Variants in EPB41L4B observed in about 807,000 individuals in gnomAD.
The protein encoded by EPB41L4B is band 4.1-like protein 4B.
Under a neutral mutation model 112.5 loss-of-function variants are expected in EPB41L4B, and 30 were observed. The ratio of observed to expected loss-of-function variants is 0.27; its 90% CI spans 0.20 to 0.36. The LOEUF is 0.36. EPB41L4B is among the 10% of genes least tolerant of loss of function. EPB41L4B has a pLI of 1.00. For synonymous variants in EPB41L4B, 408 were observed against 439.7 expected, an observed-to-expected ratio of 0.93 and a Z score of 0.90; for missense variants, 1,024 against 1,133.3, an observed-to-expected ratio of 0.90 and a Z score of 1.38.
chr9:109,227,595 T>C (rs1375214689), intron 15 of EPB41L4B, among the ~76,000 whole-genome samples: 14 of 152,124 alleles, frequency 9.2e-5, no homozygotes, highest in Admixed American at 8.5e-4. Flanking sequence ...CCCCCCTTTT[T>C]TTTTTGAGAC....
At chr9:109,287,609 A>G (rs1836341671) in intron 1 of EPB41L4B, among the ~76,000 whole-genome samples, 2 of 152,122 alleles carry the variant, frequency 1.3e-5, no homozygotes, top group African/African-American at 4.8e-5. Context: ...GCTCCCCTTT[A>G]TCTACCTGCC....
intron 20 of EPB41L4B, among the ~76,000 whole-genome samples, chr9:109,199,102 T>A (rs753820302): frequency 1.3e-5 from 2 of 152,184 alleles, no homozygotes; most frequent in African/African-American, 2.4e-5. Context: ...GTCACTTTAC[T>A]ATTCCCTAAC....
intron 1 of EPB41L4B, among the ~76,000 whole-genome samples, chr9:109,303,108 G>GA (rs1837039975): frequency 6.8e-6 from 1 of 146,250 alleles, no homozygotes; most frequent in South Asian, 2.2e-4. Context: ...GAAAAGAAAA[G>GA]AAAAAAAGGG....
At chr9:109,198,859 A>G (rs544217344) in intron 20 of EPB41L4B, among the ~76,000 whole-genome samples, 8 of 151,446 alleles carry the variant, frequency 5.3e-5, no homozygotes, top group African/African-American at 1.9e-4. Flanking sequence ...GCAGTGAGCT[A>G]AGATTGTGCC....
At chr9:109,257,623 C>T (rs574023406) in intron 7 of EPB41L4B, among the ~76,000 whole-genome samples, 7 of 152,108 alleles carry the variant, frequency 4.6e-5, no homozygotes, top group Non-Finnish European at 7.4e-5. Flanking sequence ...CTCCCCCATC[C>T]GCAATAAACA....
In EPB41L4B at chr9:109,258,266, G is replaced by A. The variant is rs1403178945; in HGVS notation, c.663C>T (p.His221=). The A allele has an allele frequency of 2.5e-6, 4 of 1,613,906 alleles. No homozygotes were observed. Among genetic ancestry groups the A allele is most frequent in the Non-Finnish European group, 3.4e-6 (4 of 1,179,780 alleles). The change falls in exon 7 of 26, where the codon CAC becomes CAT. Residue 221 remains histidine, a synonymous_variant. Transcript: ENST00000374566. ...GAAACTCAGACACAAGCTCTGGTGTGTGTTCTGGAAGCTCGCACTCCCCAA... is the reference window on the plus strand; with the variant it reads ...GAAACTCAGACACAAGCTCTGGTGTATGTTCTGGAAGCTCGCACTCCCCAA... ...AELGECELPE[H]TPELVSEFRF...
chr9:109,237,412 C>T (rs1013488461), intron 15 of EPB41L4B, among the ~76,000 whole-genome samples: 1 of 152,148 alleles, frequency 6.6e-6, no homozygotes, highest in Non-Finnish European at 1.5e-5. Flanking sequence ...AGTACATACC[C>T]GAGTTCCAAA....
Position 109,172,990 on chromosome 9 carries a change from T to C in EPB41L4B, c.*1564A>G, listed in dbSNP as rs1831685108. The C allele has an allele frequency of 6.6e-6, 1 of 152,580 alleles. No individual in the cohort carries two copies. Among genetic ancestry groups the C allele is most frequent in the Non-Finnish European group, 1.5e-5 (1 of 68,032 alleles). The allele number at this position is 152,580 out of a possible 1,614,324, so 9.5% of individuals were successfully genotyped here. Reference sequence around the variant, plus strand: ...ATCAGTTCCTCTTAACAAGTGGTCATAAGAAATGAATGAACATTTTACACA... The same window carrying C: ...ATCAGTTCCTCTTAACAAGTGGTCACAAGAAATGAATGAACATTTTACACA... On this transcript the variant is annotated 3_prime_UTR_variant, in exon 26 of 26. Transcript: ENST00000374566.
At chr9:109,259,428 G>T (rs893918) in intron 6 of EPB41L4B, among the ~76,000 whole-genome samples, 72,437 of 152,000 alleles carry the variant, frequency 0.48, 17,505 homozygotes, top group East Asian at 0.68. Flanking sequence ...CTAATGTGGC[G>T]ACCCTGGAAA....
rs140832263 is a variant in EPB41L4B, at chr9:109,200,146, G to A, written c.2045+90C>T. Reference sequence around the variant, plus strand: ...AATGGAATTTGGGGGCTGCTCCCTGGGACTAGTCAGAAGGGCTAAGAAGCA... The same window carrying A: ...AATGGAATTTGGGGGCTGCTCCCTGAGACTAGTCAGAAGGGCTAAGAAGCA... On this transcript the variant is annotated intron_variant, in intron 20 of 25. Coordinates refer to ENST00000374566, the MANE Select transcript of EPB41L4B (RefSeq NM_019114.5). The A allele has an allele frequency of 6.8e-5, 72 of 1,060,852 alleles. No individual in the cohort carries two copies. The African/African-American group carries it at 1.0e-3, about 15-fold the overall frequency. 65.7% of individuals were successfully genotyped at this position (1,060,852 alleles called of 1,614,324 possible).
intron 24 of EPB41L4B, among the ~76,000 whole-genome samples, chr9:109,180,099 C>T (rs79705153): frequency 0.018 from 2,770 of 152,258 alleles, 98 homozygotes; most frequent in African/African-American, 0.063. Context: ...CCTCTCTCAC[C>T]CAGCCCTGCT....
chr9:109,288,753 A>C, intron 1 of EPB41L4B, among the ~76,000 whole-genome samples: 1 of 141,918 alleles, frequency 7.0e-6, no homozygotes, highest in Admixed American at 7.2e-5. Context: ...AAAAAAAAAA[A>C]AGCTGGGTGT....
At chr9:109,263,950 G>A (rs1028517058) in intron 5 of EPB41L4B, among the ~76,000 whole-genome samples, 1 of 152,120 alleles carries the variant, frequency 6.6e-6, no homozygotes, top group Non-Finnish European at 1.5e-5. Context: ...CAAATGCAAG[G>A]TGTTGCCATT....
At chr9:109,222,069 T>A (rs2118861295) in intron 15 of EPB41L4B, among the ~76,000 whole-genome samples, 1 of 152,324 alleles carries the variant, frequency 6.6e-6, no homozygotes, top group South Asian at 2.1e-4. Context: ...ATTTAAAACT[T>A]TTTTATTTCA....
At chr9:109,208,115 C>A in intron 17 of EPB41L4B, 66 bp from the exon 18 acceptor site, 2 of 1,596,142 alleles carry the variant, frequency 1.3e-6, no homozygotes, top group Non-Finnish European at 1.7e-6. Context: ...ATTAACTTTT[C>A]CCAATAATCA....
chr9:109,320,945 G>C lies in EPB41L4B; in HGVS notation c.-499C>G, dbSNP rs1837854664. 2 of 157,266 alleles carry C rather than the reference G, an allele frequency of 1.3e-5. No homozygotes were observed. Among genetic ancestry groups the C allele is most frequent in the South Asian group, 3.5e-4 (2 of 5,752 alleles). The allele number at this position is 157,266 out of a possible 1,614,324, so 9.7% of individuals were successfully genotyped here. On this transcript the variant is annotated 5_prime_UTR_variant, in exon 1 of 26. Coordinates refer to ENST00000374566, the MANE Select transcript of EPB41L4B (RefSeq NM_019114.5). ...CCCGAGGAGGCCCCGCCGAGCGCCC[G>C]CTCCCAAGGCGCCTTTTCCTGCGCC...
At position 109,305,107 on chromosome 9, in the gene EPB41L4B, A is replaced by C. The variant is rs141523624; in HGVS notation, c.306+15034T>G. 2.6e-5 allele frequency among the ~76,000 whole-genome samples: 4 copies of C among 151,898 alleles called. No homozygotes were observed. The East Asian group carries it at 7.8e-4, about 30-fold the overall frequency. On this transcript the variant is annotated intron_variant, in intron 1 of 25. Transcript: ENST00000374566. The stretch of plus-strand genomic sequence containing the variant: ...TTGCTTGAATTACTACATAATTACT[A>C]TAACATGTGCTAGGTCCCACCCAAG...
At chr9:109,314,555 G>A (rs560712894) in intron 1 of EPB41L4B, among the ~76,000 whole-genome samples, 2 of 151,458 alleles carry the variant, frequency 1.3e-5, no homozygotes, top group Admixed American at 6.6e-5. Flanking sequence ...GACAAATCCA[G>A]CAAGTATAGA....
chr9:109,274,869 T>TA (rs148794463), intron 2 of EPB41L4B, among the ~76,000 whole-genome samples: 73 of 152,308 alleles, frequency 4.8e-4, no homozygotes, highest in African/African-American at 1.7e-3. Flanking sequence ...AAACAAGAGT[T>TA]CACAAAGACT....
Sources: gnomAD v4.1 joint callset for allele counts (sites outside exome capture counted in the v4.1 genomes callset) on GRCh38, gnomAD v4.1.1 for gene constraint, MANE v1.5 for transcripts, NCBI Gene and HGNC (gene_info 2026-07-23, HGNC 2026-07-21) for gene names.